The following TPM1 variants were observed in gnomAD, a reference collection of about 807,000 sequenced individuals.
The protein encoded by TPM1 is tropomyosin alpha-1 chain.
In TPM1, 24 loss-of-function variants were observed where a neutral mutation model predicts 42.9. That is an observed-to-expected ratio of 0.56 (90% CI 0.41 to 0.79). TPM1 has a LOEUF of 0.79. Ranked by LOEUF, TPM1 falls within the 30% of genes least tolerant of loss-of-function variation. TPM1 has a pLI of 0.00. For missense variants in TPM1, 158 were observed against 351.8 expected (o/e 0.45, Z 4.41); for synonymous variants, 136 against 130.1 (o/e 1.05, Z -0.31).
At chr15:63,049,844 A>G (rs2033457237) in intron 2 of TPM1, among the ~76,000 whole-genome samples, 2 of 152,248 alleles carry the variant, frequency 1.3e-5, no homozygotes, top group African/African-American at 2.4e-5. Context: ...CGAGTCAGCA[A>G]AAGTCCTGTG....
intron 2 of TPM1, chr15:63,048,925 A>T: frequency 1.5e-6 from 1 of 659,604 alleles, no homozygotes; most frequent in African/African-American, 1.9e-5. Flanking sequence ...TCCAAAGTAA[A>T]CGCTCCCAGG....
In TPM1 at chr15:63,059,814, A is replaced by C. The variant is rs915023609; in HGVS notation, c.492+134A>C. 7.8e-6 allele frequency: 5 copies of C among 642,632 alleles called. No individual in the cohort carries two copies. The African/African-American group carries it at 9.1e-5, about 12-fold the overall frequency. 39.8% of individuals were successfully genotyped at this position (642,632 alleles called of 1,614,324 possible). On this transcript the variant is annotated intron_variant, in intron 4 of 9. Coordinates refer to ENST00000403994, the MANE Select transcript of TPM1 (RefSeq NM_001018005.2). Reference sequence around the variant, plus strand: ...AGAAATGGGTGGTTTTGAGAAGCAGAGTTCCTTTGTGTCCAGAAAACGGTT... The same window carrying C: ...AGAAATGGGTGGTTTTGAGAAGCAGCGTTCCTTTGTGTCCAGAAAACGGTT...
At chr15:63,050,316 A>G (rs796795379) in intron 2 of TPM1, among the ~76,000 whole-genome samples, 13 of 152,292 alleles carry the variant, frequency 8.5e-5, no homozygotes, top group African/African-American at 2.4e-4. Context: ...GGGGGGCTTG[A>G]ATGAAGAGGA....
At chr15:63,045,775 G>C (rs2032260943) in intron 2 of TPM1, 1 of 152,206 alleles carries the variant, frequency 6.6e-6, no homozygotes, top group South Asian at 2.1e-4. Context: ...GGGCAGAAAT[G>C]GGAAAGAAGT....
In TPM1 at chr15:63,042,970, G is replaced by T. The variant is rs761396656; in HGVS notation, c.114+27G>T. ...TCTGCGCCTCCCCGGCCCTGCGCCCGCGCCCAGAGCGCCGGGACTCGAGCC... is the reference window on the plus strand; with the variant it reads ...TCTGCGCCTCCCCGGCCCTGCGCCCTCGCCCAGAGCGCCGGGACTCGAGCC... On this transcript the variant is annotated intron_variant, in intron 1 of 9. Coordinates refer to ENST00000403994, the MANE Select transcript of TPM1 (RefSeq NM_001018005.2). The T allele has an allele frequency of 2.6e-6, 4 of 1,559,924 alleles. No individual in the cohort carries two copies. In the South Asian group the frequency reaches 3.5e-5, roughly 14 times the overall value.
At chr15:63,067,039 T>C (rs1378740722), downstream of TPM1, among the ~76,000 whole-genome samples, 2 of 152,238 alleles carry the variant, frequency 1.3e-5, no homozygotes, top group African/African-American at 4.8e-5. Flanking sequence ...TTAACTAATA[T>C]GGACTTTAGT....
chr15:63,053,189 C>T (rs1266956685), intron 2 of TPM1, among the ~76,000 whole-genome samples: 1 of 152,214 alleles, frequency 6.6e-6, no homozygotes, highest in Non-Finnish European at 1.5e-5. Flanking sequence ...AATTTTATAT[C>T]CTGCCTCATT....
At chr15:63,067,132 T>G (rs1418670013), downstream of TPM1, among the ~76,000 whole-genome samples, 3 of 152,168 alleles carry the variant, frequency 2.0e-5, no homozygotes, top group African/African-American at 7.2e-5. Flanking sequence ...ATGATCTGCA[T>G]GTTTTGTATA....
chr15:63,052,438 G>A (rs866047766), intron 2 of TPM1, among the ~76,000 whole-genome samples: 27 of 152,222 alleles, frequency 1.8e-4, no homozygotes, highest in South Asian at 4.1e-4. Flanking sequence ...CAGGAGAATC[G>A]CTTGAACCCG....
At chr15:63,070,775 T>C (rs1566977124), downstream of TPM1, 17 of 1,189,790 alleles carry the variant, frequency 1.4e-5, no homozygotes, top group Non-Finnish European at 1.8e-5. Flanking sequence ...TATTTGGTTT[T>C]TACCTCTCCC....
chr15:63,071,482 TAG>T, exon 9 of TPM1: 1 of 373,376 alleles, frequency 2.7e-6, no homozygotes, highest in South Asian at 2.2e-5. Flanking sequence ...GTGCCAATGA[TAG>T]AGTCAACAGG....
At chr15:63,054,053 C>T (rs567938388) in intron 2 of TPM1, among the ~76,000 whole-genome samples, 1 of 152,148 alleles carries the variant, frequency 6.6e-6, no homozygotes, top group South Asian at 2.1e-4. Flanking sequence ...CTGATCTGGA[C>T]AATGCCTAGG....
Position 63,060,955 on chromosome 15 carries a change from G to A in TPM1, c.563+16G>A, listed in dbSNP as rs375227208. ...TCTCAGAAGGGTAAGCGGGCCCGGC[G>A]CCAGGAGGCCACGAATGGGGTGCTG... is the stretch of plus-strand genomic sequence containing the variant. On this transcript the variant is annotated intron_variant, in intron 5 of 9. Coordinates refer to ENST00000403994, the MANE Select transcript of TPM1 (RefSeq NM_001018005.2). The A allele has an allele frequency of 3.0e-5, 48 of 1,613,544 alleles. No homozygotes were observed. Among genetic ancestry groups the A allele is most frequent in the Admixed American group, 1.2e-4 (7 of 60,002 alleles).
At chr15:63,064,884 A>T (rs916667074) in intron 9 of TPM1, 4 of 643,272 alleles carry the variant, frequency 6.2e-6, no homozygotes, top group Non-Finnish European at 7.7e-6. Context: ...GGAGAATGGC[A>T]TGAACCCGGG....
At chr15:63,070,326 GTA>G (rs60393555), downstream of TPM1, 130 of 668,546 alleles carry the variant, frequency 1.9e-4, no homozygotes, top group South Asian at 4.3e-4. Context: ...GTGTGTGTGT[GTA>G]TATATTCCTA....
chr15:63,051,704 T>C (rs1395649365), intron 2 of TPM1, among the ~76,000 whole-genome samples: 1 of 152,166 alleles, frequency 6.6e-6, no homozygotes, highest in African/African-American at 2.4e-5. Flanking sequence ...TCCAGTTCAG[T>C]CAGGACTTTG....
chr15:63,062,954 T>G, intron 8 of TPM1: 1 of 1,424,808 alleles, frequency 7.0e-7, no homozygotes, highest in Non-Finnish European at 9.1e-7. Context: ...ATGACTCTAG[T>G]ATATTTTATA....
chr15:63,049,070 A>C, intron 2 of TPM1: 1 of 280,970 alleles, frequency 3.6e-6, no homozygotes, highest in Non-Finnish European at 7.0e-6. Flanking sequence ...CTTTACTCTG[A>C]GAGTGGAGAG....
intron 4 of TPM1, 135 bp from the exon 5 acceptor site, chr15:63,060,734 C>A: frequency 2.1e-6 from 2 of 955,562 alleles, no homozygotes; most frequent in South Asian, 1.3e-5. Flanking sequence ...TCTCTCTGGT[C>A]TACCAGAAAG....
Sources: allele counts gnomAD v4.1 joint callset (sites outside exome capture counted in the v4.1 genomes callset), GRCh38; gene constraint gnomAD v4.1.1; transcripts MANE v1.5; gene names NCBI Gene and HGNC (gene_info 2026-07-23, HGNC 2026-07-21).